Variants in PDE4A observed in about 807,000 individuals in gnomAD.
The protein encoded by PDE4A is 3',5'-cyclic-AMP phosphodiesterase 4A.
PDE4A carries 21 observed loss-of-function variants against 73.9 expected under a neutral mutation model. The observed-to-expected ratio is 0.28, with a 90% CI of 0.20 to 0.41. The LOEUF is 0.41. Ranked by LOEUF, PDE4A falls within the 10% of genes least tolerant of loss-of-function variation. PDE4A has a pLI of 1.00. For synonymous variants in PDE4A, 463 were observed against 505.4 expected, an observed-to-expected ratio of 0.92 and a Z score of 1.13; for missense variants, 958 against 1,211.4, an observed-to-expected ratio of 0.79 and a Z score of 3.10.
intron 2 of PDE4A, among the ~76,000 whole-genome samples, chr19:10,447,386 C>T (rs927171698): frequency 7.4e-5 from 11 of 148,400 alleles, no homozygotes; most frequent in African/African-American, 2.0e-4. Flanking sequence ...CCACCACACC[C>T]GGCTAATTTT....
At chr19:10,417,037 G>A (rs143423742), upstream of PDE4A, 2,212 of 1,532,628 alleles carry the variant, frequency 1.4e-3, 31 homozygotes, top group African/African-American at 0.027. Context: ...CGCCCCTTGG[G>A]GGAGACTAGC....
At chr19:10,427,242 G>A (rs750452044) in intron 1 of PDE4A, among the ~76,000 whole-genome samples, 4 of 152,232 alleles carry the variant, frequency 2.6e-5, no homozygotes, top group African/African-American at 9.6e-5. Flanking sequence ...GGAGGTTGCA[G>A]TGAGCCAAGA....
rs2043207978 is a variant in PDE4A at position 10,458,572 on chromosome 19, T to G, written c.1101+470T>G. ...TTGTAACCCTCTTTGAGCCACCTCC[T>G]CCAGTGAATCTTCCATTCAGTCACC... On this transcript the variant is annotated intron_variant, in intron 8 of 14. Coordinates refer to ENST00000380702, the MANE Select transcript of PDE4A (RefSeq NM_001111307.2). The surrounding 1 kb of genome is among the most constrained non-coding windows in gnomAD (Gnocchi z 4.6). 6.6e-6 allele frequency among the ~76,000 whole-genome samples: 1 copy of G among 152,218 alleles called. No homozygotes were observed. The highest frequency in any genetic ancestry group is 6.5e-5 in the Admixed American group (1 of 15,270).
chr19:10,461,427 CG>C, intron 11 of PDE4A, 98 bp from the exon 12 acceptor site: 1 of 1,535,976 alleles, frequency 6.5e-7, no homozygotes, highest in Non-Finnish European at 8.7e-7. Flanking sequence ...CGAGGCTGGC[CG>C]GGCTGGGGAG....
intron 1 of PDE4A, chr19:10,428,651 G>C (rs2042748513): frequency 2.8e-6 from 1 of 360,002 alleles, no homozygotes; most frequent in South Asian, 1.1e-4. Flanking sequence ...CATGGGGTGA[G>C]TGGTAGTATT....
upstream of PDE4A, chr19:10,416,899 C>A: frequency 2.0e-6 from 3 of 1,535,594 alleles, no homozygotes; most frequent in Non-Finnish European, 2.6e-6. Context: ...CCTGGCCCTG[C>A]CGACATGGCC....
chr19:10,436,458 G>A (rs1026344852), intron 1 of PDE4A, among the ~76,000 whole-genome samples: 3 of 152,258 alleles, frequency 2.0e-5, no homozygotes, highest in East Asian at 3.9e-4. Context: ...GGGAGGCTGA[G>A]GCAAGAGAAT....
rs1288765591 is a variant in PDE4A, at chr19:10,449,201, C to G, written c.620+51C>G. ...CTGTGATCATAAGGTGAAGCATATG[C>G]GGGTTCTGCTCTCAGCCCTGCTGTG... is the stretch of plus-strand genomic sequence containing the variant. On this transcript the variant is annotated intron_variant, in intron 4 of 14. Coordinates refer to ENST00000380702, the MANE Select transcript of PDE4A (RefSeq NM_001111307.2). The G allele has an allele frequency of 5.7e-6, 9 of 1,580,522 alleles. No homozygotes were observed. The South Asian group carries it at 8.0e-5, about 14-fold the overall frequency.
chr19:10,439,069 C>T (rs973243221), intron 1 of PDE4A, among the ~76,000 whole-genome samples: 3 of 152,108 alleles, frequency 2.0e-5, no homozygotes, highest in Non-Finnish European at 4.4e-5. Flanking sequence ...CATGGGTGTA[C>T]ATGTATCTGT....
At chr19:10,429,645 G>A (rs1568366018) in intron 1 of PDE4A, among the ~76,000 whole-genome samples, 1 of 152,170 alleles carries the variant, frequency 6.6e-6, no homozygotes, top group Non-Finnish European at 1.5e-5. Flanking sequence ...CCTTCTAGGG[G>A]TGTCTTAAGA....
intron 14 of PDE4A, among the ~76,000 whole-genome samples, chr19:10,466,088 C>T (rs2043365091): frequency 2.0e-5 from 3 of 150,420 alleles, no homozygotes; most frequent in Admixed American, 6.6e-5. Context: ...CTGCAACTTC[C>T]ACCTCCCAGG....
intron 1 of PDE4A, 85 bp from the exon 2 acceptor site, chr19:10,446,133 C>CCACCGCA: frequency 6.7e-7 from 1 of 1,496,498 alleles, no homozygotes; most frequent in Non-Finnish European, 9.0e-7. Flanking sequence ...CAGGCGTGAG[C>CCACCGCA]CACCGCACCC....
chr19:10,422,943 G>C (rs1599397023), intron 1 of PDE4A, among the ~76,000 whole-genome samples: 1 of 152,136 alleles, frequency 6.6e-6, no homozygotes, highest in Admixed American at 6.5e-5. Context: ...ACTCCTCCTA[G>C]CCTGGTCTCT....
At chr19:10,443,882 C>T (rs1365240831) in intron 1 of PDE4A, among the ~76,000 whole-genome samples, 3 of 151,416 alleles carry the variant, frequency 2.0e-5, no homozygotes, top group Non-Finnish European at 4.4e-5. Context: ...TGGCAGGTGC[C>T]TGTAATCCCA....
chr19:10,449,010 T>C (rs1011082627), intron 3 of PDE4A, 57 bp downstream of exon 3: 8 of 1,611,458 alleles, frequency 5.0e-6, no homozygotes, highest in African/African-American at 4.0e-5. Context: ...TCCGCCACAC[T>C]TGGGGACAGG....
In PDE4A at chr19:10,463,818, C is replaced by G; in HGVS notation, c.1769C>G (p.Ala590Gly). 2 of 1,614,112 alleles carry G rather than the reference C, an allele frequency of 1.2e-6. No homozygotes were observed. The highest frequency in any genetic ancestry group is 1.7e-6 in the Non-Finnish European group (2 of 1,179,986). The change falls in exon 14 of 15, where the codon GCC (alanine) becomes GGC (glycine). Residue 590 changes from alanine to glycine, a missense_variant. Coordinates refer to ENST00000380702, the MANE Select transcript of PDE4A (RefSeq NM_001111307.2). ...IQVLRNMVHC[A>G]DLSNPTKPLE... ...GTCCTCCGGAACATGGTGCACTGTGCCGACCTCAGCAACCCCACCAAGCCG... is the reference window on the plus strand; with the variant it reads ...GTCCTCCGGAACATGGTGCACTGTGGCGACCTCAGCAACCCCACCAAGCCG...
chr19:10,465,511 C>T (rs1403667934), intron 14 of PDE4A, among the ~76,000 whole-genome samples: 4 of 151,654 alleles, frequency 2.6e-5, no homozygotes, highest in South Asian at 2.1e-4. Flanking sequence ...TAAGCCACCG[C>T]GCCCAGCCTC....
intron 1 of PDE4A, chr19:10,423,072 C>G: frequency 1.0e-6 from 1 of 984,110 alleles, no homozygotes; most frequent in South Asian, 4.7e-5. Flanking sequence ...CCATATGCAT[C>G]CTCATCCCCA....
chr19:10,423,104 G>C, intron 1 of PDE4A: 1 of 984,698 alleles, frequency 1.0e-6, no homozygotes, highest in Non-Finnish European at 1.2e-6. Context: ...ATTCCAGCAG[G>C]GTATTCCTGC....
Sources: gnomAD v4.1 joint callset for allele counts (sites outside exome capture counted in the v4.1 genomes callset) on GRCh38, gnomAD v4.1.1 for gene constraint, Gnocchi (gnomAD v3.1) non-coding constraint, MANE v1.5 for transcripts, NCBI Gene and HGNC (gene_info 2026-07-23, HGNC 2026-07-21) for gene names.